SLC16A12: variants seen among roughly 807,000 people sequenced by gnomAD.
The protein encoded by SLC16A12 is monocarboxylate transporter 12.
SLC16A12 carries 17 observed loss-of-function variants against 42.4 expected under a neutral mutation model. The observed-to-expected ratio is 0.40, with a 90% CI of 0.27 to 0.60. SLC16A12 has a LOEUF of 0.60. Ranked by LOEUF, SLC16A12 falls within the 20% of genes least tolerant of loss-of-function variation. The pLI, the probability that SLC16A12 is intolerant of heterozygous loss-of-function variation, is 0.42. For synonymous variants in SLC16A12, 224 were observed against 229.4 expected, an observed-to-expected ratio of 0.98 and a Z score of 0.21; for missense variants, 544 against 623.0, an observed-to-expected ratio of 0.87 and a Z score of 1.35.
At position 89,481,168 on chromosome 10, in the gene SLC16A12, C is replaced by T. The variant is rs566016838; in HGVS notation, c.-46-18544G>A. 5.3e-5 allele frequency among the ~76,000 whole-genome samples: 8 copies of T among 152,238 alleles called. No homozygotes were observed. In the East Asian group the frequency reaches 1.5e-3, roughly 29 times the overall value. ...TGCTATGAGTACAACTGTAGAAATACATATGCATAAGGACAAAATAAGAAA... is the reference window on the plus strand; with the variant it reads ...TGCTATGAGTACAACTGTAGAAATATATATGCATAAGGACAAAATAAGAAA... On this transcript the variant is annotated intron_variant, in intron 2 of 7. Coordinates refer to ENST00000371790, the MANE Select transcript of SLC16A12 (RefSeq NM_213606.4).
chr10:89,538,503 C>A (rs1843694279), upstream of SLC16A12, among the ~76,000 whole-genome samples: 1 of 152,140 alleles, frequency 6.6e-6, no homozygotes, highest in Non-Finnish European at 1.5e-5. Context: ...GCACTCAAAA[C>A]GTTTTCTTCA....
At chr10:89,519,354 C>A (rs1417372732) in intron 2 of SLC16A12, among the ~76,000 whole-genome samples, 1 of 152,030 alleles carries the variant, frequency 6.6e-6, no homozygotes, top group Non-Finnish European at 1.5e-5. Flanking sequence ...CACATGTATC[C>A]CCTAAACCTA....
chr10:89,469,167 A>G (rs1842454195), intron 2 of SLC16A12, among the ~76,000 whole-genome samples: 1 of 152,172 alleles, frequency 6.6e-6, no homozygotes, highest in African/African-American at 2.4e-5. Flanking sequence ...TCAGCCTCCA[A>G]TTCATATTAT....
chr10:89,556,140 A>C (rs1843814653), intron 1 of SLC16A12, among the ~76,000 whole-genome samples: 1 of 152,156 alleles, frequency 6.6e-6, no homozygotes, highest in South Asian at 2.1e-4. Context: ...ATGTATTGAC[A>C]GCTTTCTACC....
chr10:89,447,727 A>T (rs1225403069), intron 3 of SLC16A12, among the ~76,000 whole-genome samples: 1 of 152,232 alleles, frequency 6.6e-6, no homozygotes, highest in Non-Finnish European at 1.5e-5. Context: ...CAAATTTAAA[A>T]GCTAGCAGAA....
At chr10:89,469,569 C>T (rs904249179) in intron 2 of SLC16A12, among the ~76,000 whole-genome samples, 4 of 152,208 alleles carry the variant, frequency 2.6e-5, no homozygotes, top group African/African-American at 9.6e-5. Context: ...AGGCCCCCAA[C>T]ATTGGCTTTC....
chr10:89,471,600 T>C (rs1842495296), intron 2 of SLC16A12, among the ~76,000 whole-genome samples: 1 of 152,242 alleles, frequency 6.6e-6, no homozygotes, highest in Non-Finnish European at 1.5e-5. Flanking sequence ...AACATGAGTG[T>C]ACAAGTCTTT....
chr10:89,506,504 A>C (rs2133830416), intron 2 of SLC16A12, among the ~76,000 whole-genome samples: 1 of 152,332 alleles, frequency 6.6e-6, no homozygotes, highest in East Asian at 1.9e-4. Flanking sequence ...AAGGAAAATT[A>C]ACAAACAGAA....
At chr10:89,549,997 C>T (rs79856317) in intron 2 of SLC16A12, among the ~76,000 whole-genome samples, 1,872 of 152,198 alleles carry the variant, frequency 0.012, 33 homozygotes, top group African/African-American at 0.042. Flanking sequence ...TCATTCCATT[C>T]GTCAAGCCAA....
intron 2 of SLC16A12, among the ~76,000 whole-genome samples, chr10:89,472,081 A>G (rs1046002027): frequency 2.0e-5 from 3 of 152,126 alleles, no homozygotes; most frequent in Non-Finnish European, 4.4e-5. Flanking sequence ...TTACCTATTC[A>G]TTAATTAGTG....
chr10:89,438,239 C>A (rs771596188), intron 6 of SLC16A12, among the ~76,000 whole-genome samples: 1 of 152,128 alleles, frequency 6.6e-6, no homozygotes, highest in South Asian at 2.1e-4. Context: ...ATCAAAAGAA[C>A]AATATTTTGT....
intron 2 of SLC16A12, among the ~76,000 whole-genome samples, chr10:89,485,719 T>C (rs7080667): frequency 0.043 from 6,609 of 152,074 alleles, 468 homozygotes; most frequent in African/African-American, 0.15. Context: ...AAAGAAGAAA[T>C]GAGTCAGGGC....
intron 1 of SLC16A12, among the ~76,000 whole-genome samples, 174 bp from the exon 2 acceptor site, chr10:89,534,814 G>C (rs1843625433): frequency 6.6e-6 from 1 of 152,102 alleles, no homozygotes; most frequent in Non-Finnish European, 1.5e-5. Flanking sequence ...GGGCGACAGA[G>C]CGAGACCTTG....
At chr10:89,507,615 T>G (rs904702033) in intron 2 of SLC16A12, among the ~76,000 whole-genome samples, 1 of 152,250 alleles carries the variant, frequency 6.6e-6, no homozygotes, top group Non-Finnish European at 1.5e-5. Context: ...CATCAGCCAC[T>G]GCAAAAACAT....
intron 3 of SLC16A12, among the ~76,000 whole-genome samples, chr10:89,449,534 C>A (rs893355153): frequency 1.3e-5 from 2 of 152,138 alleles, no homozygotes; most frequent in African/African-American, 4.8e-5. Flanking sequence ...ATAAATGGTA[C>A]TGGGAAAACT....
At chr10:89,443,901 A>G in intron 3 of SLC16A12, 42 bp from the exon 4 acceptor site, 2 of 1,278,612 alleles carry the variant, frequency 1.6e-6, no homozygotes. Flanking sequence ...AAAATGAATG[A>G]GCATGCATTT....
intron 7 of SLC16A12, among the ~76,000 whole-genome samples, chr10:89,434,829 T>C (rs998574890): frequency 1.3e-5 from 2 of 152,226 alleles, no homozygotes; most frequent in Admixed American, 1.3e-4. Context: ...ACAAAGCTGG[T>C]TGAAAATGCA....
At chr10:89,505,900 AGGGGTGTC>A (rs1287690610) in intron 2 of SLC16A12, among the ~76,000 whole-genome samples, 1 of 152,070 alleles carries the variant, frequency 6.6e-6, no homozygotes, top group East Asian at 1.9e-4. Flanking sequence ...TGGCAGAGGG[AGGGGTGTC>A]TGCCATTGCT....
upstream of SLC16A12, among the ~76,000 whole-genome samples, chr10:89,538,661 C>T (rs1181340535): frequency 6.6e-6 from 1 of 152,180 alleles, no homozygotes; most frequent in Non-Finnish European, 1.5e-5. Context: ...TACATCGAGG[C>T]TTTGTGATAA....
Sources: allele counts gnomAD v4.1 joint callset (sites outside exome capture counted in the v4.1 genomes callset), GRCh38; gene constraint gnomAD v4.1.1; transcripts MANE v1.5; gene names NCBI Gene and HGNC (gene_info 2026-07-23, HGNC 2026-07-21).